Variants in KCNQ1 observed in about 807,000 individuals in gnomAD.
KCNQ1 encodes potassium voltage-gated channel subfamily KQT member 1.
A neutral mutation model predicts 72.4 loss-of-function variants in KCNQ1; 49 were observed. That is an observed-to-expected ratio of 0.68 (90% CI 0.54 to 0.86). The LOEUF is 0.86. KCNQ1 is among the 40% of genes least tolerant of loss of function. The probability of loss-of-function intolerance (pLI) is 0.00; values close to 1 mark genes in which losing one functional copy is unlikely to be tolerated. For missense variants in KCNQ1, 790 were observed against 945.1 expected, an observed-to-expected ratio of 0.84 and a Z score of 2.15; for synonymous variants, 450 against 412.6, an observed-to-expected ratio of 1.09 and a Z score of -1.10.
Position 2,588,948 on chromosome 11 carries a change from C to A in KCNQ1, c.1393+94C>A. 1 of 1,433,986 alleles carries A rather than the reference C, an allele frequency of 7.0e-7. No individual in the cohort carries two copies. Among genetic ancestry groups the A allele is most frequent in the Non-Finnish European group, 9.6e-7 (1 of 1,042,300 alleles). 88.8% of individuals were successfully genotyped at this position (1,433,986 alleles called of 1,614,324 possible). On this transcript the variant is annotated intron_variant, in intron 10 of 15. Coordinates refer to ENST00000155840, the MANE Select transcript of KCNQ1 (RefSeq NM_000218.3). This position sits in a 1 kb window ranked among gnomAD's most constrained non-coding sequence, Gnocchi z 5.6. The stretch of plus-strand genomic sequence containing the variant: ...CAAGCCAGTGAGTTTCTCCCTTGGG[C>A]TGTGGTCTCTGACAACGAGGTATGA...
intron 11 of KCNQ1, among the ~76,000 whole-genome samples, chr11:2,749,650 A>T (rs201273823): frequency 1.8e-5 from 2 of 112,174 alleles, no homozygotes; most frequent in Non-Finnish European, 3.9e-5. Context: ...ACAAAAAAAA[A>T]AAAAAAAAAA....
intron 11 of KCNQ1, among the ~76,000 whole-genome samples, chr11:2,751,053 A>G (rs538605116): frequency 6.6e-6 from 1 of 152,176 alleles, no homozygotes; most frequent in East Asian, 1.9e-4. Context: ...GCAGCCTCAG[A>G]CCTGTAGGCC....
chr11:2,627,950 C>A lies in KCNQ1; in HGVS notation c.1394-34011C>A. 2.5e-6 allele frequency: 1 copy of A among 398,532 alleles called. No homozygotes were observed. Among genetic ancestry groups the A allele is most frequent in the Non-Finnish European group, 4.4e-6 (1 of 226,062 alleles). The allele number at this position is 398,532 out of a possible 1,614,324, so 24.7% of individuals were successfully genotyped here. ...AATTTTATGTAGAGATAGGGTATCA[C>A]TATGTTTCCTAGGCTGGTCTCAAAC... is the stretch of plus-strand genomic sequence containing the variant. On this transcript the variant is annotated intron_variant, in intron 10 of 15. Coordinates refer to ENST00000155840, the MANE Select transcript of KCNQ1 (RefSeq NM_000218.3). This position sits in a 1 kb window ranked among gnomAD's most constrained non-coding sequence, Gnocchi z 4.9.
In KCNQ1 at chr11:2,695,369, G is replaced by C. The variant is rs1850656155; in HGVS notation, c.1514+33288G>C. 2.5e-6 allele frequency: 1 copy of C among 398,372 alleles called. No homozygotes were observed. The highest frequency in any genetic ancestry group is 4.4e-6 in the Non-Finnish European group (1 of 226,070). The allele number at this position is 398,372 out of a possible 1,614,324, so 24.7% of individuals were successfully genotyped here. A position where few individuals can be genotyped will look rare whatever the true frequency, so the allele number is the denominator to read the frequency against. On this transcript the variant is annotated intron_variant, in intron 11 of 15. Transcript: ENST00000155840. The surrounding 1 kb of genome is among the most constrained non-coding windows in gnomAD (Gnocchi z 5.2). ...GCACTCACGAGCACTCCCTAGTACT[G>C]CGTGTCTGGGTGGTGTGTAATTTTA...
intron 15 of KCNQ1, among the ~76,000 whole-genome samples, chr11:2,778,723 G>T (rs986931730): frequency 1.3e-5 from 2 of 152,232 alleles, no homozygotes; most frequent in African/African-American, 2.4e-5. Context: ...TTATCTTGCC[G>T]AACAGCAAGT....
chr11:2,681,116 C>A (rs565554114), intron 11 of KCNQ1: 2 of 398,484 alleles, frequency 5.0e-6, no homozygotes, highest in African/African-American at 4.1e-5. Context: ...AGATGCCCCC[C>A]AAAAAAGCAC....
chr11:2,776,154 C>T (rs886800099), intron 13 of KCNQ1, 100 bp downstream of exon 13: 2 of 1,054,016 alleles, frequency 1.9e-6, no homozygotes, highest in East Asian at 2.6e-5. Context: ...GGGCTGAGAC[C>T]CTGAGTTCTT....
chr11:2,535,602 T>C (rs1213897685), intron 2 of KCNQ1, among the ~76,000 whole-genome samples: 1 of 152,146 alleles, frequency 6.6e-6, no homozygotes, highest in Non-Finnish European at 1.5e-5. Context: ...TGGGGAGCCC[T>C]GTGCAACCCA....
chr11:2,646,060 C>T, intron 10 of KCNQ1: 1 of 398,586 alleles, frequency 2.5e-6, no homozygotes, highest in Non-Finnish European at 4.4e-6. Flanking sequence ...CTTCATGATC[C>T]CAGCCAGTCC....
intron 1 of KCNQ1, among the ~76,000 whole-genome samples, chr11:2,474,752 G>T (rs1326446737): frequency 1.8e-5 from 1 of 54,998 alleles, no homozygotes; most frequent in Non-Finnish European, 5.9e-5. Flanking sequence ...GAATGCTGCT[G>T]GTGGGACTAG....
intron 15 of KCNQ1, among the ~76,000 whole-genome samples, chr11:2,790,720 C>T (rs1268730722): frequency 6.6e-6 from 1 of 152,216 alleles, no homozygotes; most frequent in Non-Finnish European, 1.5e-5. Flanking sequence ...GCCGATCGCT[C>T]GCGTGCAAAG....
intron 2 of KCNQ1, among the ~76,000 whole-genome samples, chr11:2,540,397 A>G (rs1847805318): frequency 6.6e-6 from 1 of 152,248 alleles, no homozygotes; most frequent in Non-Finnish European, 1.5e-5. Context: ...GTCAGGAGCC[A>G]CGGCTCGAGC....
intron 11 of KCNQ1, among the ~76,000 whole-genome samples, chr11:2,749,321 C>A (rs945383518): frequency 1.3e-5 from 2 of 151,678 alleles, no homozygotes; most frequent in African/African-American, 4.8e-5. Flanking sequence ...TCGGGGGCCT[C>A]GGCTGGGGGG....
At position 2,608,691 on chromosome 11, in the gene KCNQ1, T is replaced by C. The variant is rs1848923338; in HGVS notation, c.1393+19837T>C. ...GTTGTGCATGCTATTCTTGAACTCC[T>C]GGCCACAAGCAATTCTCGAACTCCT... On this transcript the variant is annotated intron_variant, in intron 10 of 15. Coordinates refer to ENST00000155840, the MANE Select transcript of KCNQ1 (RefSeq NM_000218.3). The surrounding 1 kb of genome is among the most constrained non-coding windows in gnomAD (Gnocchi z 4.6). The C allele has an allele frequency of 2.6e-6, 1 of 381,030 alleles. No homozygotes were observed. Among genetic ancestry groups the C allele is most frequent in the Non-Finnish European group, 4.4e-6 (1 of 225,704 alleles). The allele number at this position is 381,030 out of a possible 1,614,324, so 23.6% of individuals were successfully genotyped here. A position where few individuals can be genotyped will look rare whatever the true frequency, so the allele number is the denominator to read the frequency against.
Position 2,654,787 on chromosome 11 carries a change from T to A in KCNQ1, c.1394-7174T>A, listed in dbSNP as rs1026733083. The A allele has an allele frequency of 5.0e-6, 2 of 398,482 alleles. No individual in the cohort carries two copies. Among genetic ancestry groups the A allele is most frequent in the African/African-American group, 4.1e-5 (2 of 48,576 alleles). 24.7% of individuals were successfully genotyped at this position (398,482 alleles called of 1,614,324 possible). On this transcript the variant is annotated intron_variant, in intron 10 of 15. Transcript: ENST00000155840. The surrounding 1 kb of genome is among the most constrained non-coding windows in gnomAD (Gnocchi z 6.4). The stretch of plus-strand genomic sequence containing the variant: ...GCAGAGGAAGTGAGACCAGAATTTC[T>A]TGGGAACAGAAAGCCTCAAAGACTT...
In KCNQ1 at chr11:2,826,704, G is replaced by C. The variant is rs1847848716; in HGVS notation, c.1795-21063G>C. 1.3e-5 allele frequency among the ~76,000 whole-genome samples: 2 copies of C among 152,226 alleles called. No homozygotes were observed. The highest frequency in any genetic ancestry group is 4.8e-5 in the African/African-American group (2 of 41,466). Reference sequence around the variant, plus strand: ...GTGCAGAGGGCCAGAGAGGCACGGGGCTCCCCTGGGCACCCCTCGTCTTGG... The same window carrying C: ...GTGCAGAGGGCCAGAGAGGCACGGGCCTCCCCTGGGCACCCCTCGTCTTGG... On this transcript the variant is annotated intron_variant, in intron 15 of 15. Coordinates refer to ENST00000155840, the MANE Select transcript of KCNQ1 (RefSeq NM_000218.3). This position sits in a 1 kb window ranked among gnomAD's most constrained non-coding sequence, Gnocchi z 4.2.
In KCNQ1 at chr11:2,682,255, C is replaced by T. The variant is rs1287401621; in HGVS notation, c.1514+20174C>T. 7.5e-6 allele frequency: 3 copies of T among 398,490 alleles called. No individual in the cohort carries two copies. Among genetic ancestry groups the T allele is most frequent in the Non-Finnish European group, 1.3e-5 (3 of 226,076 alleles). The allele number at this position is 398,490 out of a possible 1,614,324, so 24.7% of individuals were successfully genotyped here. On this transcript the variant is annotated intron_variant, in intron 11 of 15. Transcript: ENST00000155840. The surrounding 1 kb of genome is among the most constrained non-coding windows in gnomAD (Gnocchi z 5.8). ...TGAAATGTCCCTTCCTCAGAGGAGC[C>T]AATTTCTAAAGCTTAAGACTGGGCT...
At chr11:2,689,109 G>A (rs1850546165) in intron 11 of KCNQ1, 2 of 398,786 alleles carry the variant, frequency 5.0e-6, no homozygotes, top group Non-Finnish European at 4.4e-6. Context: ...CTGGCCCAAG[G>A]CCTGCCCTGG....
rs1417341741 is a variant in KCNQ1 at position 2,621,507 on chromosome 11, C to G, written c.1393+32653C>G. The G allele has an allele frequency of 2.5e-6, 1 of 398,390 alleles. No homozygotes were observed. The highest frequency in any genetic ancestry group is 4.4e-6 in the Non-Finnish European group (1 of 226,036). 24.7% of individuals were successfully genotyped at this position (398,390 alleles called of 1,614,324 possible). Reference sequence around the variant, plus strand: ...TCCCATTCTATATGTTGTCTGTTTACTCTGTTGATAATTTCTTTTGCTATG... The same window carrying G: ...TCCCATTCTATATGTTGTCTGTTTAGTCTGTTGATAATTTCTTTTGCTATG... On this transcript the variant is annotated intron_variant, in intron 10 of 15. Transcript: ENST00000155840. The surrounding 1 kb of genome is among the most constrained non-coding windows in gnomAD (Gnocchi z 5.7).
Sources: gnomAD v4.1 joint callset for allele counts (sites outside exome capture counted in the v4.1 genomes callset) on GRCh38, gnomAD v4.1.1 for gene constraint, Gnocchi (gnomAD v3.1) non-coding constraint, MANE v1.5 for transcripts, NCBI Gene and HGNC (gene_info 2026-07-23, HGNC 2026-07-21) for gene names.